The following STAT3 variants were observed in gnomAD, a reference collection of about 807,000 sequenced individuals.
STAT3 encodes signal transducer and activator of transcription 3, also known as DNA-binding protein APRF.
In STAT3, 7 loss-of-function variants were observed where a neutral mutation model predicts 114.3. The ratio of observed to expected loss-of-function variants is 0.06; its 90% CI spans 0.03 to 0.11. STAT3 has a LOEUF of 0.11. Among genes scored for constraint, STAT3 ranks in the 10% least tolerant of loss-of-function variants. The probability of loss-of-function intolerance (pLI) is 1.00; values close to 1 mark genes in which losing one functional copy is unlikely to be tolerated. For synonymous variants in STAT3, 331 were observed against 354.5 expected, an observed-to-expected ratio of 0.93 and a Z score of 0.74; for missense variants, 364 against 960.9, an observed-to-expected ratio of 0.38 and a Z score of 8.21.
chr17:42,388,287 C>G lies in STAT3; in HGVS notation c.-32G>C. On this transcript the variant is annotated 5_prime_UTR_variant, in exon 1 of 24. Coordinates refer to ENST00000264657, the MANE Select transcript of STAT3 (RefSeq NM_139276.3). Reference sequence around the variant, plus strand: ...CCCTGCACCCCCTTCACCTGTTTCTCCGGCAGAGGCCGAGAGGCCGGGGCT... The same window carrying G: ...CCCTGCACCCCCTTCACCTGTTTCTGCGGCAGAGGCCGAGAGGCCGGGGCT... 8.1e-7 allele frequency: 1 copy of G among 1,231,746 alleles called. No homozygotes were observed. The highest frequency in any genetic ancestry group is 1.0e-6 in the Non-Finnish European group (1 of 987,958). The allele number at this position is 1,231,746 out of a possible 1,614,324, so 76.3% of individuals were successfully genotyped here.
chr17:42,376,574 C>A (rs1000586070), intron 1 of STAT3, among the ~76,000 whole-genome samples: 1 of 148,928 alleles, frequency 6.7e-6, no homozygotes, highest in East Asian at 2.0e-4. Context: ...CGGCCAGGTG[C>A]GGTGGCTCAC....
intron 4 of STAT3, among the ~76,000 whole-genome samples, chr17:42,343,455 C>CTT (rs34846688): frequency 4.5e-4 from 45 of 99,112 alleles, no homozygotes; most frequent in Middle Eastern, 6.0e-3. Context: ...TCAGATCTTT[C>CTT]TTTTTTTTTT....
At chr17:42,373,157 T>C (rs189347369) in intron 1 of STAT3, among the ~76,000 whole-genome samples, 124 of 151,958 alleles carry the variant, frequency 8.2e-4, no homozygotes, top group African/African-American at 3.0e-3. Context: ...CGAGACATCC[T>C]GGCTAACATA....
chr17:42,346,792 A>T, intron 2 of STAT3, 79 bp from the exon 3 acceptor site: 1 of 1,607,098 alleles, frequency 6.2e-7, no homozygotes, highest in Non-Finnish European at 8.5e-7. Flanking sequence ...ATCAAGAAAG[A>T]GGAAAAAAAC....
intron 1 of STAT3, among the ~76,000 whole-genome samples, chr17:42,379,985 G>A (rs527693867): frequency 6.6e-6 from 1 of 152,066 alleles, no homozygotes; most frequent in Non-Finnish European, 1.5e-5. Flanking sequence ...GCCTGACTTT[G>A]TAATATCTAA....
chr17:42,382,852 T>C (rs1449522532), intron 1 of STAT3, among the ~76,000 whole-genome samples: 1 of 151,862 alleles, frequency 6.6e-6, no homozygotes, highest in African/African-American at 2.4e-5. Flanking sequence ...TTCACCGTGT[T>C]AGCCAGGATG....
intron 4 of STAT3, 60 bp from the exon 5 acceptor site, chr17:42,339,469 T>C (rs1171600248): frequency 7.8e-6 from 12 of 1,541,462 alleles, no homozygotes; most frequent in Non-Finnish European, 1.1e-5. Context: ...GGAATACCTC[T>C]ACCCAGCTTC....
intron 6 of STAT3, 135 bp downstream of exon 6, chr17:42,338,596 G>T: frequency 1.3e-6 from 1 of 767,726 alleles, no homozygotes. Context: ...TAATGACCAG[G>T]CTCCTTTGAG....
At position 42,384,138 on chromosome 17, in the gene STAT3, T is replaced by TA. The variant is rs1485447129; in HGVS notation, c.-24+4140_-24+4141insT. On this transcript the variant is annotated intron_variant, in intron 1 of 23. Coordinates refer to ENST00000264657, the MANE Select transcript of STAT3 (RefSeq NM_139276.3). ...TTTATTTATTTATTTATTTATTTTT[T>TA]TTTTTTTTGAGACGGAGTCTCGCTC... Among the ~76,000 whole-genome samples, 5 of 149,232 alleles carry TA rather than the reference T, an allele frequency of 3.4e-5. No individual in the cohort carries two copies. In the East Asian group the frequency reaches 5.8e-4, roughly 17 times the overall value.
intron 4 of STAT3, among the ~76,000 whole-genome samples, chr17:42,341,426 AACTC>A (rs1364026699): frequency 1.3e-5 from 2 of 152,382 alleles, no homozygotes; most frequent in Non-Finnish European, 2.9e-5. Flanking sequence ...AACACACCTG[AACTC>A]ACTCACCTTC....
At chr17:42,316,056 G>A (rs529178778) in intron 23 of STAT3, 1 of 1,404,414 alleles carries the variant, frequency 7.1e-7, no homozygotes, top group South Asian at 1.5e-5. Flanking sequence ...AGGCTGTCCT[G>A]AGATCTTCTG....
intron 3 of STAT3, 132 bp from the exon 4 acceptor site, chr17:42,345,789 C>T (rs536838550): frequency 1.1e-6 from 1 of 923,964 alleles, no homozygotes; most frequent in East Asian, 2.7e-5. Flanking sequence ...ACAAAGGCTT[C>T]AGAGCCTGGG....
chr17:42,315,967 G>A lies in STAT3; in HGVS notation c.2258-167C>T. 3 of 1,501,948 alleles carry A rather than the reference G, an allele frequency of 2.0e-6. No individual in the cohort carries two copies. The South Asian group carries it at 3.8e-5, about 19-fold the overall frequency. 93.0% of individuals were successfully genotyped at this position (1,501,948 alleles called of 1,614,324 possible). ...AAAGCCAGATTTACCCTCCTCCCTGGAGGACCCTGCCTCGGGAAGGGTCCT... is the reference window on the plus strand; with the variant it reads ...AAAGCCAGATTTACCCTCCTCCCTGAAGGACCCTGCCTCGGGAAGGGTCCT... On this transcript the variant is annotated intron_variant, in intron 23 of 23. Transcript: ENST00000264657.
intron 3 of STAT3, among the ~76,000 whole-genome samples, chr17:42,346,336 A>G (rs1173317822): frequency 6.6e-6 from 1 of 152,248 alleles, no homozygotes; most frequent in South Asian, 2.1e-4. Context: ...TATGATTAAC[A>G]TAACAATCAC....
At chr17:42,341,577 G>C (rs1205783799) in intron 4 of STAT3, among the ~76,000 whole-genome samples, 2 of 152,190 alleles carry the variant, frequency 1.3e-5, no homozygotes, top group Non-Finnish European at 2.9e-5. Flanking sequence ...ACAGCCCTTG[G>C]TAGCAGGGAT....
At chr17:42,342,494 A>C (rs1250649486) in intron 4 of STAT3, among the ~76,000 whole-genome samples, 1 of 151,560 alleles carries the variant, frequency 6.6e-6, no homozygotes, top group Non-Finnish European at 1.5e-5. Flanking sequence ...AAAGAAAAAA[A>C]AAAAATTCTT....
At chr17:42,320,001 AGG>A (rs2081405918) in intron 21 of STAT3, among the ~76,000 whole-genome samples, 1 of 152,198 alleles carries the variant, frequency 6.6e-6, no homozygotes, top group Non-Finnish European at 1.5e-5. Flanking sequence ...GCCCACAGGA[AGG>A]GCGATGGTAA....
In STAT3 at chr17:42,337,338, C is replaced by T. The variant is rs1281557434; in HGVS notation, c.797+97G>A. On this transcript the variant is annotated intron_variant, in intron 8 of 23. Transcript: ENST00000264657. The surrounding 1 kb of genome is among the most constrained non-coding windows in gnomAD (Gnocchi z 4.0). The stretch of plus-strand genomic sequence containing the variant: ...AAATTTGAATATGGAAAAGTCCCCA[C>T]GTTGGAGATATAGTACCAATTCTGT... 14 of 1,517,752 alleles carry T rather than the reference C, an allele frequency of 9.2e-6. No homozygotes were observed. Among genetic ancestry groups the T allele is most frequent in the East Asian group, 2.3e-5 (1 of 43,988 alleles). The allele number at this position is 1,517,752 out of a possible 1,614,324, so 94.0% of individuals were successfully genotyped here. A position where few individuals can be genotyped will look rare whatever the true frequency, so the allele number is the denominator to read the frequency against.
At chr17:42,323,412 T>A in intron 18 of STAT3, 58 bp from the exon 19 acceptor site, 1 of 1,592,644 alleles carries the variant, frequency 6.3e-7, no homozygotes, top group Non-Finnish European at 8.6e-7. Context: ...CTTCCCTTCC[T>A]AGGGGTGCAG....
Sources: gnomAD v4.1 joint callset for allele counts (sites outside exome capture counted in the v4.1 genomes callset) on GRCh38, gnomAD v4.1.1 for gene constraint, Gnocchi (gnomAD v3.1) non-coding constraint, MANE v1.5 for transcripts, NCBI Gene and HGNC (gene_info 2026-07-23, HGNC 2026-07-21) for gene names.